Variants in VSNL1 observed in about 807,000 individuals in gnomAD.
VSNL1 encodes the protein visinin like 1, also known as visinin-like protein 1.
A neutral mutation model predicts 20.4 loss-of-function variants in VSNL1; 6 were observed. The observed-to-expected ratio is 0.29, with a 90% CI of 0.16 to 0.58. The LOEUF is 0.58. Among genes scored for constraint, VSNL1 ranks in the 20% least tolerant of loss-of-function variants. VSNL1 has a pLI of 0.90. For synonymous variants in VSNL1, 93 were observed against 86.4 expected (o/e 1.08, Z -0.42); for missense variants, 100 against 234.5 (o/e 0.43, Z 3.75).
chr2:17,609,599 C>G (rs1665035671), intron 2 of VSNL1, among the ~76,000 whole-genome samples: 1 of 152,182 alleles, frequency 6.6e-6, no homozygotes, highest in Non-Finnish European at 1.5e-5. Context: ...GAGGCCCTAA[C>G]AAGCAGGAAT....
chr2:17,649,828 C>T lies in VSNL1; in HGVS notation c.378+203C>T, dbSNP rs1479758936. ...AACCAAGCCATGGGGCCCGTACTGT[C>T]GTGACGGTGGCATTGTCATCTGCCA... is the stretch of plus-strand genomic sequence containing the variant. On this transcript the variant is annotated intron_variant, in intron 3 of 3. Coordinates refer to ENST00000295156, the MANE Select transcript of VSNL1 (RefSeq NM_003385.5). The surrounding 1 kb of genome is among the most constrained non-coding windows in gnomAD (Gnocchi z 6.4). 2.0e-5 allele frequency among the ~76,000 whole-genome samples: 3 copies of T among 152,330 alleles called. No homozygotes were observed. The highest frequency in any genetic ancestry group is 2.1e-4 in the South Asian group (1 of 4,834).
chr2:17,598,234 A>G (rs1330054752), intron 2 of VSNL1, among the ~76,000 whole-genome samples: 1 of 152,248 alleles, frequency 6.6e-6, no homozygotes, highest in Non-Finnish European at 1.5e-5. Flanking sequence ...ACACAAACAT[A>G]TAATAATTAT....
At chr2:17,565,801 C>G (rs961653919) in intron 1 of VSNL1, among the ~76,000 whole-genome samples, 2 of 152,160 alleles carry the variant, frequency 1.3e-5, no homozygotes, top group African/African-American at 4.8e-5. Context: ...TTGTAGTTCC[C>G]ATAATTCCCA....
chr2:17,649,589 C>T lies in VSNL1; in HGVS notation c.342C>T (p.Gly114=), dbSNP rs1282188732. Residue 114 remains glycine, a synonymous_variant, in exon 3 of 4, where the codon GGC becomes GGT. Coordinates refer to ENST00000295156, the MANE Select transcript of VSNL1 (RefSeq NM_003385.5). The surrounding 1 kb of genome is among the most constrained non-coding windows in gnomAD (Gnocchi z 6.4). ...AFNMYDLDGD[G]KITRVEMLEI... is the part of the protein sequence containing the mutation. ...ATATGTATGACCTGGATGGTGATGG[C>T]AAGATCACCCGAGTGGAGATGCTGG... 1 of 1,614,164 alleles carries T rather than the reference C, an allele frequency of 6.2e-7. No individual in the cohort carries two copies.
At chr2:17,613,339 T>A (rs548449238) in intron 2 of VSNL1, among the ~76,000 whole-genome samples, 1 of 152,310 alleles carries the variant, frequency 6.6e-6, no homozygotes, top group South Asian at 2.1e-4. Flanking sequence ...TTAAGTTACT[T>A]GGAAAAAGTA....
chr2:17,624,613 C>T (rs1375686249), intron 2 of VSNL1, among the ~76,000 whole-genome samples: 1 of 152,100 alleles, frequency 6.6e-6, no homozygotes, highest in East Asian at 1.9e-4. Flanking sequence ...AGGATTCCGT[C>T]TGCCACCACT....
In VSNL1 at chr2:17,634,462, C is replaced by T. The variant is rs764746453; in HGVS notation, c.163-14948C>T. Reference sequence around the variant, plus strand: ...TTTCCATCTCAGCCTTTGCATTTAGCGGTCTTCTCAACACGTGTCCAGGGA... The same window carrying T: ...TTTCCATCTCAGCCTTTGCATTTAGTGGTCTTCTCAACACGTGTCCAGGGA... On this transcript the variant is annotated intron_variant, in intron 2 of 3. Transcript: ENST00000295156. This position sits in a 1 kb window ranked among gnomAD's most constrained non-coding sequence, Gnocchi z 4.3. 3.9e-5 allele frequency among the ~76,000 whole-genome samples: 6 copies of T among 152,270 alleles called. No individual in the cohort carries two copies. Among genetic ancestry groups the T allele is most frequent in the East Asian group, 1.9e-4 (1 of 5,172 alleles).
intron 2 of VSNL1, among the ~76,000 whole-genome samples, chr2:17,600,637 A>C (rs938125715): frequency 1.3e-5 from 2 of 152,246 alleles, no homozygotes; most frequent in African/African-American, 4.8e-5. Flanking sequence ...AGCAGACTTT[A>C]TTAAAAATTC....
At position 17,649,397 on chromosome 2, in the gene VSNL1, T is replaced by C; in HGVS notation, c.163-13T>C. The C allele has an allele frequency of 6.2e-7, 1 of 1,613,886 alleles. No homozygotes were observed. Among genetic ancestry groups the C allele is most frequent in the Admixed American group, 1.7e-5 (1 of 60,036 alleles). ...CCCTCCCGACACCTGACTGCGCGTG[T>C]TCTCCTTTGCAGTTCTTTCCTTATG... On this transcript the variant is annotated splice_polypyrimidine_tract_variant and intron_variant, in intron 2 of 3. Transcript: ENST00000295156. The surrounding 1 kb of genome is among the most constrained non-coding windows in gnomAD (Gnocchi z 6.4).
chr2:17,546,460 G>A (rs981557592), intron 1 of VSNL1, among the ~76,000 whole-genome samples: 22 of 151,674 alleles, frequency 1.5e-4, no homozygotes, highest in Non-Finnish European at 1.0e-4. Flanking sequence ...TGAAACCTGG[G>A]TGAATTTTTT....
chr2:17,566,731 A>G (rs114191757), intron 1 of VSNL1, among the ~76,000 whole-genome samples: 1,816 of 152,238 alleles, frequency 0.012, 28 homozygotes, highest in African/African-American at 0.041. Flanking sequence ...GGATTTATCA[A>G]CCTCTTACCA....
intron 1 of VSNL1, among the ~76,000 whole-genome samples, chr2:17,580,387 C>G (rs541464579): frequency 6.6e-6 from 1 of 152,310 alleles, no homozygotes; most frequent in South Asian, 2.1e-4. Flanking sequence ...ACCCACCATT[C>G]TGGGACCTCA....
At chr2:17,621,276 CTTTCTT>C (rs1665350270) in intron 2 of VSNL1, among the ~76,000 whole-genome samples, 1 of 149,976 alleles carries the variant, frequency 6.7e-6, no homozygotes, top group Admixed American at 6.7e-5. Context: ...CTTTCTTCCT[CTTTCTT>C]TTTTTCTCTC....
chr2:17,613,647 G>A (rs752150081), intron 2 of VSNL1, among the ~76,000 whole-genome samples: 8 of 152,126 alleles, frequency 5.3e-5, no homozygotes, highest in Non-Finnish European at 1.2e-4. Context: ...TCATCATTAC[G>A]CCCAGATTTC....
chr2:17,570,675 C>T (rs1307383688), intron 1 of VSNL1, among the ~76,000 whole-genome samples: 1 of 152,144 alleles, frequency 6.6e-6, no homozygotes, highest in African/African-American at 2.4e-5. Flanking sequence ...TTTACAAATG[C>T]CCTTTCAGTC....
At chr2:17,577,404 T>G (rs941591233) in intron 1 of VSNL1, among the ~76,000 whole-genome samples, 2 of 152,236 alleles carry the variant, frequency 1.3e-5, no homozygotes, top group African/African-American at 4.8e-5. Flanking sequence ...ATTATGTCAC[T>G]TATAAATTAT....
At chr2:17,567,971 C>A (rs1281265394) in intron 1 of VSNL1, among the ~76,000 whole-genome samples, 2 of 152,088 alleles carry the variant, frequency 1.3e-5, no homozygotes, top group African/African-American at 2.4e-5. Flanking sequence ...TATTTTACCT[C>A]TCTTTTCAAA....
intron 3 of VSNL1, among the ~76,000 whole-genome samples, chr2:17,653,034 ATTTC>A (rs553620932): frequency 3.3e-4 from 51 of 152,242 alleles, no homozygotes; most frequent in Non-Finnish European, 4.3e-4. Context: ...GAAAACAGCT[ATTTC>A]TTTTATTTTT....
At chr2:17,584,824 G>A (rs1324704270) in intron 1 of VSNL1, among the ~76,000 whole-genome samples, 2 of 151,768 alleles carry the variant, frequency 1.3e-5, no homozygotes, top group South Asian at 2.1e-4. Flanking sequence ...GGTAGCTAGG[G>A]CATGGCTAGG....
Sources: allele counts gnomAD v4.1 joint callset (sites outside exome capture counted in the v4.1 genomes callset), GRCh38; gene constraint gnomAD v4.1.1; non-coding constraint Gnocchi (gnomAD v3.1); transcripts MANE v1.5; gene names NCBI Gene and HGNC (gene_info 2026-07-23, HGNC 2026-07-21).